The following GARRE1 variants were observed in gnomAD, a reference collection of about 807,000 sequenced individuals.
GARRE1 encodes granule associated Rac and RHOG effector protein 1.
GARRE1 carries 49 observed loss-of-function variants against 103.2 expected under a neutral mutation model. That is an observed-to-expected ratio of 0.47 (90% CI 0.38 to 0.60). The LOEUF (loss-of-function observed/expected upper bound fraction) is 0.60. Ranked by LOEUF, GARRE1 falls within the 20% of genes least tolerant of loss-of-function variation. GARRE1 has a pLI of 0.00. For missense variants in GARRE1, 1,199 were observed against 1,370.5 expected, an observed-to-expected ratio of 0.87 and a Z score of 1.98; for synonymous variants, 505 against 532.8, an observed-to-expected ratio of 0.95 and a Z score of 0.72.
intron 8 of GARRE1, among the ~76,000 whole-genome samples, chr19:34,334,953 G>T (rs867011687): frequency 2.0e-5 from 3 of 151,508 alleles, no homozygotes; most frequent in African/African-American, 7.3e-5. Context: ...TAAGGCAGGA[G>T]AACCGCTTGA....
At chr19:34,325,980 CTGTT>C (rs969620699) in intron 3 of GARRE1, among the ~76,000 whole-genome samples, 1 of 152,170 alleles carries the variant, frequency 6.6e-6, no homozygotes, top group Non-Finnish European at 1.5e-5. Flanking sequence ...GTATAGTCCT[CTGTT>C]TGTTTCCCGC....
rs765153618 is a variant in GARRE1 at position 34,339,850 on chromosome 19, G to C, written c.1362-17G>C. The C allele has an allele frequency of 6.2e-7, 1 of 1,614,044 alleles. No individual in the cohort carries two copies. The highest frequency in any genetic ancestry group is 8.5e-7 in the Non-Finnish European group (1 of 1,179,976). ...GAGAAATGCAGCCAAGACTAATGCA[G>C]CCTAATCTATGCCTAGGTGCCTGAA... On this transcript the variant is annotated splice_polypyrimidine_tract_variant and intron_variant, in intron 8 of 13. Transcript: ENST00000299505.
At chr19:34,325,713 G>A (rs1343297305) in intron 3 of GARRE1, among the ~76,000 whole-genome samples, 6 of 152,084 alleles carry the variant, frequency 3.9e-5, no homozygotes, top group South Asian at 2.1e-4. Context: ...CCCTCAGCAC[G>A]ACCTGCCTAG....
chr19:34,275,033 T>C (rs188311774), intron 1 of GARRE1, among the ~76,000 whole-genome samples: 2 of 152,258 alleles, frequency 1.3e-5, no homozygotes, highest in East Asian at 1.9e-4. Context: ...AACATGGAAA[T>C]GGTTGGGCTT....
At chr19:34,292,674 A>G (rs916619099) in intron 1 of GARRE1, among the ~76,000 whole-genome samples, 6 of 151,978 alleles carry the variant, frequency 3.9e-5, no homozygotes, top group Non-Finnish European at 8.8e-5. Context: ...CTCCTGGTTC[A>G]ACCAATTCTC....
chr19:34,339,795 TC>T, intron 8 of GARRE1, 71 bp from the exon 9 acceptor site: 2 of 1,594,992 alleles, frequency 1.3e-6, no homozygotes, highest in African/African-American at 2.7e-5. Flanking sequence ...TGTAGCCTTT[TC>T]TATGAGACCT....
chr19:34,347,198 C>T (rs1033343782), intron 10 of GARRE1, among the ~76,000 whole-genome samples: 2 of 151,990 alleles, frequency 1.3e-5, no homozygotes, highest in Non-Finnish European at 2.9e-5. Context: ...AAGTGATTGT[C>T]CTGCCTCAGC....
At chr19:34,344,137 TAGTA>T (rs969935614) in intron 10 of GARRE1, among the ~76,000 whole-genome samples, 7 of 152,260 alleles carry the variant, frequency 4.6e-5, no homozygotes, top group South Asian at 4.1e-4. Flanking sequence ...CATCTAAAAT[TAGTA>T]AGAGAATTTG....
At chr19:34,351,336 A>G (rs2074235670) in intron 12 of GARRE1, among the ~76,000 whole-genome samples, 178 bp from the exon 13 acceptor site, 1 of 152,126 alleles carries the variant, frequency 6.6e-6, no homozygotes, top group South Asian at 2.1e-4. Context: ...GCAGTGCAGG[A>G]GCGCCGTCAT....
At chr19:34,311,091 C>G (rs1440619757) in intron 2 of GARRE1, among the ~76,000 whole-genome samples, 1 of 152,094 alleles carries the variant, frequency 6.6e-6, no homozygotes, top group Non-Finnish European at 1.5e-5. Context: ...CTCCTGGGCT[C>G]AAGCAATCCT....
intron 9 of GARRE1, among the ~76,000 whole-genome samples, chr19:34,340,651 C>T (rs1004989188): frequency 1.3e-5 from 2 of 152,116 alleles, no homozygotes. Flanking sequence ...CTACCTCAGC[C>T]TTCCGAGTAG....
Position 34,268,238 on chromosome 19 carries a change from T to C in GARRE1, c.-796+13624T>C, listed in dbSNP as rs375463447. Among the ~76,000 whole-genome samples the C allele has an allele frequency of 2.1e-4, 32 of 152,366 alleles. No homozygotes were observed. The East Asian group carries it at 3.3e-3, about 16-fold the overall frequency. ...AATGGTCCAAGACTATTTTAGTTGA[T>C]AGATGAAACCTTCCTTTTACCTGAA... On this transcript the variant is annotated intron_variant, in intron 1 of 13. Transcript: ENST00000299505.
At chr19:34,298,049 A>G (rs2073956418) in intron 1 of GARRE1, among the ~76,000 whole-genome samples, 1 of 152,198 alleles carries the variant, frequency 6.6e-6, no homozygotes, top group Non-Finnish European at 1.5e-5. Context: ...ATTTAATTAT[A>G]TATTCAAAAA....
intron 2 of GARRE1, among the ~76,000 whole-genome samples, chr19:34,315,369 A>G (rs911241829): frequency 9.8e-5 from 15 of 152,316 alleles, no homozygotes; most frequent in Admixed American, 9.2e-4. Context: ...TATTCCAGGA[A>G]AGCAGAGTTG....
At chr19:34,294,465 C>A (rs1179394810) in intron 1 of GARRE1, among the ~76,000 whole-genome samples, 1 of 151,778 alleles carries the variant, frequency 6.6e-6, no homozygotes, top group East Asian at 1.9e-4. Context: ...AAAATCGTTG[C>A]TATCTTTTAT....
chr19:34,335,671 G>A (rs149187917), intron 8 of GARRE1, among the ~76,000 whole-genome samples: 3 of 152,272 alleles, frequency 2.0e-5, no homozygotes, highest in African/African-American at 4.8e-5. Context: ...GATTACAGGC[G>A]CATGCCACTA....
chr19:34,303,354 G>A (rs376418849), intron 2 of GARRE1, among the ~76,000 whole-genome samples: 84 of 152,288 alleles, frequency 5.5e-4, no homozygotes, highest in Middle Eastern at 3.4e-3. Context: ...TTTTGGGTCG[G>A]ATCTGATTAT....
rs760246073 is a variant in GARRE1, at chr19:34,351,501, T to G, written c.2826-13T>G. ...GCCAAGCAATCACTGCCCTGAGCTC[T>G]TGGTTCTTGCAGGAAACACAGCAGT... On this transcript the variant is annotated splice_polypyrimidine_tract_variant and intron_variant, in intron 12 of 13. Coordinates refer to ENST00000299505, the MANE Select transcript of GARRE1 (RefSeq NM_014686.5). The G allele has an allele frequency of 3.1e-6, 5 of 1,611,638 alleles. No homozygotes were observed. The South Asian group carries it at 5.5e-5, about 18-fold the overall frequency.
At chr19:34,277,484 T>C (rs2073823761) in intron 1 of GARRE1, among the ~76,000 whole-genome samples, 1 of 152,188 alleles carries the variant, frequency 6.6e-6, no homozygotes, top group African/African-American at 2.4e-5. Context: ...TTTCTCTGTC[T>C]CTCATGTTTC....
Sources: allele counts gnomAD v4.1 joint callset (sites outside exome capture counted in the v4.1 genomes callset), GRCh38; gene constraint gnomAD v4.1.1; transcripts MANE v1.5; gene names NCBI Gene and HGNC (gene_info 2026-07-23, HGNC 2026-07-21).